The following EIF2AK1 variants were observed in gnomAD, a reference collection of about 807,000 sequenced individuals.
EIF2AK1 encodes the protein eukaryotic translation initiation factor 2 alpha kinase 1.
EIF2AK1 carries 54 observed loss-of-function variants against 77.9 expected under a neutral mutation model. The observed-to-expected ratio is 0.69, with a 90% confidence interval of 0.56 to 0.87. The LOEUF (loss-of-function observed/expected upper bound fraction) is 0.87, where lower values mean the gene tolerates loss of function less well. EIF2AK1 is among the 40% of genes least tolerant of loss of function. EIF2AK1 has a pLI of 0.00. For synonymous variants in EIF2AK1, 314 were observed against 290.5 expected, an observed-to-expected ratio of 1.08 and a Z score of -0.82; for missense variants, 810 against 768.6, an observed-to-expected ratio of 1.05 and a Z score of -0.64.
intron 4 of EIF2AK1, chr7:6,047,573 T>A (rs1178399408): frequency 1.0e-5 from 2 of 191,996 alleles, no homozygotes; most frequent in African/African-American, 4.8e-5. Flanking sequence ...CTCCGGAGGC[T>A]GATGCAGGAG....
At chr7:6,042,850 A>G in intron 8 of EIF2AK1, 83 bp downstream of exon 8, 1 of 1,192,862 alleles carries the variant, frequency 8.4e-7, no homozygotes, top group Non-Finnish European at 1.2e-6. Flanking sequence ...TGGGTGACAG[A>G]GCGAGACTCT....
At position 6,023,361 on chromosome 7, in the gene EIF2AK1, G is replaced by A. The variant is rs780570820; in HGVS notation, c.*1312C>T. 1 of 1,613,640 alleles carries A rather than the reference G, an allele frequency of 6.2e-7. No homozygotes were observed. The highest frequency in any genetic ancestry group is 2.2e-5 in the East Asian group (1 of 44,882). Reference sequence around the variant, plus strand: ...CGATGTGCCCCATCGAAGGCGAAGGGAACATTGCACGTTTCTTGTTCTCTC... The same window carrying A: ...CGATGTGCCCCATCGAAGGCGAAGGAAACATTGCACGTTTCTTGTTCTCTC... On this transcript the variant is annotated 3_prime_UTR_variant, in exon 15 of 15. Coordinates refer to ENST00000199389, the MANE Select transcript of EIF2AK1 (RefSeq NM_014413.4).
rs34851195 is a variant in EIF2AK1, at chr7:6,049,928, T to C, written c.395A>G (p.Lys132Arg). 6.2e-7 allele frequency: 1 copy of C among 1,611,544 alleles called. No individual in the cohort carries two copies. Among genetic ancestry groups the C allele is most frequent in the East Asian group, 2.2e-5 (1 of 44,782 alleles). The change falls in exon 3 of 15, where the codon AAA becomes AGA. Residue 132 changes from lysine (K) to arginine (R), a missense_variant. Transcript: ENST00000199389. ...AGGGCTTACCTGACGAACTCTCTCT[T>C]TAGCAGACCTCATTAAGTGAGTAAT... Reference protein sequence around the residue: ...RAITHLMRSAKERVRQDPCED... With the variant: ...RAITHLMRSARERVRQDPCED...
At chr7:6,030,447 C>CT (rs1787874836) in intron 11 of EIF2AK1, among the ~76,000 whole-genome samples, 1 of 152,160 alleles carries the variant, frequency 6.6e-6, no homozygotes, top group Non-Finnish European at 1.5e-5. Flanking sequence ...CTTTGTGCCT[C>CT]TAAGTTCACT....
intron 4 of EIF2AK1, chr7:6,047,693 G>C (rs1025414477): frequency 6.4e-6 from 1 of 155,572 alleles, no homozygotes; most frequent in African/African-American, 2.4e-5. Context: ...AAAAATTACT[G>C]AAATTTCTTT....
At chr7:6,030,258 T>C (rs961542410) in intron 11 of EIF2AK1, among the ~76,000 whole-genome samples, 2 of 152,156 alleles carry the variant, frequency 1.3e-5, no homozygotes, top group African/African-American at 4.8e-5. Flanking sequence ...TCTAAGGGGA[T>C]AATGCAACTT....
chr7:6,058,424 A>G (rs910521377), intron 1 of EIF2AK1, among the ~76,000 whole-genome samples: 1 of 152,090 alleles, frequency 6.6e-6, no homozygotes, highest in African/African-American at 2.4e-5. Flanking sequence ...TCAAAAAAAA[A>G]CTTGGGCCTT....
chr7:6,031,565 G>T (rs778752001), intron 11 of EIF2AK1: 1 of 1,550,658 alleles, frequency 6.4e-7, no homozygotes. Flanking sequence ...GCCCAACTCC[G>T]CCAGCAACAG....
At chr7:6,057,439 A>G (rs1247834418) in intron 1 of EIF2AK1, 3 of 151,926 alleles carry the variant, frequency 2.0e-5, no homozygotes, top group African/African-American at 7.2e-5. Flanking sequence ...GCTTCAAATC[A>G]AAGTGTATTC....
At chr7:6,048,902 C>T (rs525090) in intron 3 of EIF2AK1, 58 bp from the exon 4 acceptor site, 801,143 of 1,249,654 alleles carry the variant, frequency 0.64, 259,109 homozygotes, top group East Asian at 0.86. Context: ...GAATAAAGAA[C>T]CTATCAAAAT....
At position 6,024,125 on chromosome 7, in the gene EIF2AK1, AG is replaced by A. The variant is rs1037148566; in HGVS notation, c.*547del. 2 of 1,295,580 alleles carry A rather than the reference AG, an allele frequency of 1.5e-6. No individual in the cohort carries two copies. The highest frequency in any genetic ancestry group is 3.0e-5 in the African/African-American group (2 of 66,150). 80.3% of individuals were successfully genotyped at this position (1,295,580 alleles called of 1,614,324 possible). A position where few individuals can be genotyped will look rare whatever the true frequency, so the allele number is the denominator to read the frequency against. On this transcript the variant is annotated 3_prime_UTR_variant, in exon 15 of 15. Coordinates refer to ENST00000199389, the MANE Select transcript of EIF2AK1 (RefSeq NM_014413.4). ...TGGAATGACGCTAAACTGAAGGTGG[AG>A]AGAACAGATAAAAAGGTTGGAAGTT...
Position 6,037,502 on chromosome 7 carries a change from A to C in EIF2AK1, c.1254T>G (p.Val418=), listed in dbSNP as rs1197879074. ...CCAATTCTTGAAAAATTTTTGTTGC[A>C]ACATTGGCCATAACATAAGGACCTT... ...ESACPYVMAN[V]ATKIFQELVE... is the part of the protein sequence containing the mutation. The change falls in exon 11 of 15, where the codon GTT becomes GTG. Residue 418 remains valine (V), a synonymous_variant. Transcript: ENST00000199389. 1.2e-6 allele frequency: 2 copies of C among 1,612,656 alleles called. No individual in the cohort carries two copies. The highest frequency in any genetic ancestry group is 2.2e-5 in the East Asian group (1 of 44,858).
At position 6,035,690 on chromosome 7, in the gene EIF2AK1, G is replaced by T. The variant is rs1312403349; in HGVS notation, c.1332+1734C>A. 11 of 1,550,444 alleles carry T rather than the reference G, an allele frequency of 7.1e-6. No individual in the cohort carries two copies. The highest frequency in any genetic ancestry group is 9.6e-6 in the Non-Finnish European group (11 of 1,147,072). ...GTTGCTATCCAGTTCTCTCCATTTTGACCCAAAATGGTGCCGATGTCAATG... is the reference window on the plus strand; with the variant it reads ...GTTGCTATCCAGTTCTCTCCATTTTTACCCAAAATGGTGCCGATGTCAATG... On this transcript the variant is annotated intron_variant, in intron 11 of 14. Transcript: ENST00000199389. This position sits in a 1 kb window ranked among gnomAD's most constrained non-coding sequence, Gnocchi z 5.5.
At position 6,028,698 on chromosome 7, in the gene EIF2AK1, C is replaced by T. The variant is rs1356095181; in HGVS notation, c.1448-1G>A. The T allele has an allele frequency of 6.2e-7, 1 of 1,614,034 alleles. No individual in the cohort carries two copies. The highest frequency in any genetic ancestry group is 1.7e-5 in the Admixed American group (1 of 60,018). ...ACTCTGGACGTATGTGTTGGTGTTC[C>T]TATCATTTCAAAAGCCACATATTAA... On this transcript the variant is annotated splice_acceptor_variant, in intron 12 of 14. Coordinates refer to ENST00000199389, the MANE Select transcript of EIF2AK1 (RefSeq NM_014413.4). LOFTEE classifies it high-confidence loss of function.
At position 6,058,989 on chromosome 7, in the gene EIF2AK1, T is replaced by A. The variant is rs1414884894; in HGVS notation, c.95A>T (p.Glu32Val). 1.3e-6 allele frequency: 2 copies of A among 1,541,088 alleles called. No individual in the cohort carries two copies. Among genetic ancestry groups the A allele is most frequent in the African/African-American group, 2.8e-5 (2 of 70,206 alleles). Residue 32 changes from glutamate (E) to valine (V), a missense_variant, in exon 1 of 15, where the codon GAG becomes GTG. This residue lies in a region of EIF2AK1 where 246 missense variants were observed against 199.0 expected (regional missense o/e 1.24). Transcript: ENST00000199389. ...AAPPAIDFPA[E>V]GPDPEYDESD... ...ACCGTCATATTCGGGGTCCGGGCCCTCGGCGGGAAAGTCGATGGCCGGCGG... is the reference window on the plus strand; with the variant it reads ...ACCGTCATATTCGGGGTCCGGGCCCACGGCGGGAAAGTCGATGGCCGGCGG...
rs752475994 is a variant in EIF2AK1 at position 6,023,843 on chromosome 7, A to G, written c.*830T>C. 1.0e-5 allele frequency: 16 copies of G among 1,550,930 alleles called. No individual in the cohort carries two copies. The African/African-American group carries it at 2.1e-4, about 20-fold the overall frequency. On this transcript the variant is annotated 3_prime_UTR_variant, in exon 15 of 15. Transcript: ENST00000199389. The stretch of plus-strand genomic sequence containing the variant: ...AAGCATCATGTAATTTATGGTTTTC[A>G]TTTTATTTAAAATTCAGCAAAATCA...
chr7:6,023,780 G>C lies in EIF2AK1; in HGVS notation c.*893C>G. 6.2e-7 allele frequency: 1 copy of C among 1,601,912 alleles called. No homozygotes were observed. Among genetic ancestry groups the C allele is most frequent in the South Asian group, 1.1e-5 (1 of 89,366 alleles). ...AGTAAGGGGACTTGTATTAGAGTCAGAGTCTTTTTATTTAGGCCAGTTGTC... is the reference window on the plus strand; with the variant it reads ...AGTAAGGGGACTTGTATTAGAGTCACAGTCTTTTTATTTAGGCCAGTTGTC... On this transcript the variant is annotated 3_prime_UTR_variant, in exon 15 of 15. Transcript: ENST00000199389.
chr7:6,028,475 C>G (rs1025353426), intron 13 of EIF2AK1, 140 bp downstream of exon 13: 2 of 714,778 alleles, frequency 2.8e-6, no homozygotes, highest in Non-Finnish European at 4.9e-6. Flanking sequence ...TGGTCTTGAA[C>G]TCCTGACCTC....
Position 6,030,029 on chromosome 7 carries a change from G to C in EIF2AK1, c.1333-997C>G, listed in dbSNP as rs191927038. On this transcript the variant is annotated intron_variant, in intron 11 of 14. Coordinates refer to ENST00000199389, the MANE Select transcript of EIF2AK1 (RefSeq NM_014413.4). ...ACTGTCCTGTCGAGTCCAGAGACGTGATTTTCTATGTGTGAGAAAACATTT... is the reference window on the plus strand; with the variant it reads ...ACTGTCCTGTCGAGTCCAGAGACGTCATTTTCTATGTGTGAGAAAACATTT... 1.4e-4 allele frequency among the ~76,000 whole-genome samples: 22 copies of C among 152,236 alleles called. No individual in the cohort carries two copies. In the East Asian group the frequency reaches 3.5e-3, roughly 24 times the overall value.
Sources: gnomAD v4.1 joint callset for allele counts (sites outside exome capture counted in the v4.1 genomes callset) on GRCh38, gnomAD v4.1.1 for gene constraint, gnomAD v4.1.1 regional missense constraint, Gnocchi (gnomAD v3.1) non-coding constraint, MANE v1.5 for transcripts, NCBI Gene and HGNC (gene_info 2026-07-23, HGNC 2026-07-21) for gene names.